Variants in CASP8 observed in about 807,000 individuals in gnomAD.
The protein encoded by CASP8 is caspase-8.
Under a neutral mutation model 46.3 loss-of-function variants are expected in CASP8, and 24 were observed. The observed-to-expected ratio is 0.52, with a 90% CI of 0.38 to 0.73. The LOEUF (loss-of-function observed/expected upper bound fraction) is 0.73. Ranked by LOEUF, CASP8 falls within the 30% of genes least tolerant of loss-of-function variation. CASP8 has a pLI of 0.00. For missense variants in CASP8, 460 were observed against 559.0 expected (o/e 0.82, Z 1.79); for synonymous variants, 188 against 200.4 (o/e 0.94, Z 0.52).
intron 2 of CASP8, among the ~76,000 whole-genome samples, chr2:201,252,900 G>GA (rs562919027): frequency 2.6e-5 from 4 of 151,536 alleles, no homozygotes; most frequent in African/African-American, 7.3e-5. Flanking sequence ...TATGGAGGGG[G>GA]AAAAAAAAGG....
chr2:201,278,701 T>C (rs1272796134), intron 7 of CASP8, among the ~76,000 whole-genome samples: 2 of 152,120 alleles, frequency 1.3e-5, no homozygotes, highest in Admixed American at 6.6e-5. Context: ...CATACCCAGT[T>C]AATTGTATTT....
At chr2:201,244,514 AC>A (rs1371348322) in intron 2 of CASP8, among the ~76,000 whole-genome samples, 1 of 152,032 alleles carries the variant, frequency 6.6e-6, no homozygotes, top group Non-Finnish European at 1.5e-5. Flanking sequence ...GCATCTTCCG[AC>A]TATCCTCCAG....
rs200310368 is a variant in CASP8, at chr2:201,238,003, ATG to A, written c.-27+3894_-27+3895del. Among the ~76,000 whole-genome samples the A allele has an allele frequency of 8.9e-3, 1,362 of 152,366 alleles. 27 individuals carry two copies. Among genetic ancestry groups the A allele is most frequent in the African/African-American group, 0.03 (1,246 of 41,576 alleles). The stretch of plus-strand genomic sequence containing the variant: ...AGAGCAGCTGTAGGTTTCTGACTGA[ATG>A]TGCAAGAAGAACGTGAATGAAAGAG... On this transcript the variant is annotated intron_variant, in intron 2 of 6. Transcript: ENST00000264274.
intron 2 of CASP8, among the ~76,000 whole-genome samples, chr2:201,251,974 A>G (rs1946808694): frequency 6.6e-6 from 1 of 151,692 alleles, no homozygotes; most frequent in African/African-American, 2.4e-5. Context: ...TTTCATTCCC[A>G]CGAGTAATGA....
intron 1 of CASP8, among the ~76,000 whole-genome samples, chr2:201,261,513 T>C (rs1947407482): frequency 6.6e-6 from 1 of 152,162 alleles, no homozygotes; most frequent in African/African-American, 2.4e-5. Context: ...ACAGGTGAAG[T>C]TGCAAGTTTC....
chr2:201,243,708 T>C (rs181997722), intron 2 of CASP8, among the ~76,000 whole-genome samples: 15 of 152,338 alleles, frequency 9.8e-5, no homozygotes, highest in Non-Finnish European at 2.9e-5. Flanking sequence ...ATTAATGTAT[T>C]GTTCCACCCT....
intron 3 of CASP8, among the ~76,000 whole-genome samples, chr2:201,271,893 C>A (rs1258888187): frequency 1.3e-5 from 2 of 152,132 alleles, no homozygotes; most frequent in East Asian, 1.9e-4. Flanking sequence ...GGAAAGACTG[C>A]GGTGGGTCTG....
intron 2 of CASP8, among the ~76,000 whole-genome samples, chr2:201,253,211 A>G (rs1946862900): frequency 6.7e-6 from 1 of 148,644 alleles, no homozygotes; most frequent in African/African-American, 2.5e-5. Flanking sequence ...CTGATCTTAA[A>G]CTCCTGAGCT....
intron 8 of CASP8, 138 bp from the exon 9 acceptor site, chr2:201,286,321 G>T (rs1256356143): frequency 5.8e-6 from 6 of 1,032,782 alleles, no homozygotes; most frequent in Admixed American, 3.8e-5. Context: ...GGTAGGTCTT[G>T]GTTTCGCACC....
intron 2 of CASP8, among the ~76,000 whole-genome samples, chr2:201,239,540 TAACA>T (rs1946213897): frequency 6.6e-6 from 1 of 152,278 alleles, no homozygotes; most frequent in African/African-American, 2.4e-5. Context: ...TTTTGGTTAA[TAACA>T]AACCTTTTAA....
chr2:201,275,106 AG>A (rs1948545160), intron 6 of CASP8, among the ~76,000 whole-genome samples, 153 bp downstream of exon 6: 1 of 152,190 alleles, frequency 6.6e-6, no homozygotes, highest in South Asian at 2.1e-4. Flanking sequence ...ACACAAAAAA[AG>A]TTAAAAATGT....
chr2:201,286,976 T>C lies in CASP8; in HGVS notation c.*382T>C. The C allele has an allele frequency of 4.4e-6, 1 of 227,890 alleles. No individual in the cohort carries two copies. Among genetic ancestry groups the C allele is most frequent in the South Asian group, 5.9e-5 (1 of 16,980 alleles). 14.1% of individuals were successfully genotyped at this position (227,890 alleles called of 1,614,324 possible). On this transcript the variant is annotated 3_prime_UTR_variant, in exon 9 of 9. Coordinates refer to ENST00000673742, the MANE Select transcript of CASP8 (RefSeq NM_001372051.1). ...TTTACTAATTTTCTAGATTTTCTAC[T>C]TTATTAATTGTTTTGCACTTTTTTA...
chr2:201,258,886 AGACAGTTCTCTAATGTTTTGATGTG>A (rs1030408486), upstream of CASP8, among the ~76,000 whole-genome samples: 3 of 152,156 alleles, frequency 2.0e-5, no homozygotes, highest in Admixed American at 2.0e-4. Context: ...TGTTCCCCAA[AGACAGTTCTCTAATGTTTTGATGTG>A]GATTCGTGAA....
intron 2 of CASP8, among the ~76,000 whole-genome samples, chr2:201,244,011 A>T (rs1011026854): frequency 9.9e-5 from 15 of 152,182 alleles, no homozygotes; most frequent in African/African-American, 2.9e-4. Flanking sequence ...GAGCCCAAAT[A>T]ATTCCTAAAC....
chr2:201,273,309 T>G (rs1948412048), intron 5 of CASP8, among the ~76,000 whole-genome samples: 1 of 152,220 alleles, frequency 6.6e-6, no homozygotes, highest in South Asian at 2.1e-4. Flanking sequence ...TCTGCCTGCC[T>G]TGGCCTCCCA....
chr2:201,238,894 C>G lies in CASP8; in HGVS notation c.-27+4782C>G, dbSNP rs542406492. 8.7e-3 allele frequency among the ~76,000 whole-genome samples: 1,317 copies of G among 151,980 alleles called. 18 individuals carry two copies. The highest frequency in any genetic ancestry group is 0.03 in the African/African-American group (1,245 of 41,426). ...CAAGTGAACAAAGGTCTCTGGTTTT[C>G]CTAGGCAGAGGACCCTGCGGCCTTC... On this transcript the variant is annotated intron_variant, in intron 2 of 6. Coordinates refer to the CASP8 transcript ENST00000264274.
In CASP8 at chr2:201,282,794, A is replaced by T. The variant is rs1264824944; in HGVS notation, c.803-2022A>T. On this transcript the variant is annotated intron_variant, in intron 7 of 8. Coordinates refer to ENST00000673742, the MANE Select transcript of CASP8 (RefSeq NM_001372051.1). ...GGCAGAGGCGCCCCTCACCTCCCGGACGGGGCAGCCGGCCGGAAGGGGGGC... is the reference window on the plus strand; with the variant it reads ...GGCAGAGGCGCCCCTCACCTCCCGGTCGGGGCAGCCGGCCGGAAGGGGGGC... Among the ~76,000 whole-genome samples, 13 of 84,116 alleles carry T rather than the reference A, an allele frequency of 1.5e-4. 1 individual carries two copies. Among genetic ancestry groups the T allele is most frequent in the Non-Finnish European group, 5.6e-5 (2 of 35,428 alleles). 55.2% of individuals were successfully genotyped at this position (84,116 alleles called of 152,430 possible).
chr2:201,259,733 T>C (rs1947251785), upstream of CASP8, among the ~76,000 whole-genome samples: 1 of 152,094 alleles, frequency 6.6e-6, no homozygotes, highest in African/African-American at 2.4e-5. Context: ...GAGCCCAACA[T>C]GGTGAGGGCC....
In CASP8 at chr2:201,274,518, A is replaced by T. The variant is rs187128405; in HGVS notation, c.596-371A>T. Among the ~76,000 whole-genome samples the T allele has an allele frequency of 2.1e-4, 32 of 152,324 alleles. No homozygotes were observed. In the East Asian group the frequency reaches 6.0e-3, roughly 28 times the overall value. The stretch of plus-strand genomic sequence containing the variant: ...GAGACAGAGTCTCACTCTGTTGCCC[A>T]GGCTGGAGTGCAGTAGTGCGATCTC... On this transcript the variant is annotated intron_variant, in intron 5 of 8. Coordinates refer to ENST00000673742, the MANE Select transcript of CASP8 (RefSeq NM_001372051.1).
Sources: allele counts gnomAD v4.1 joint callset (sites outside exome capture counted in the v4.1 genomes callset), GRCh38; gene constraint gnomAD v4.1.1; transcripts MANE v1.5; gene names NCBI Gene and HGNC (gene_info 2026-07-23, HGNC 2026-07-21).